Variants in CACNA1A observed in about 807,000 individuals in gnomAD.
CACNA1A encodes voltage-dependent P/Q-type calcium channel subunit alpha-1A.
A neutral mutation model predicts 262.4 loss-of-function variants in CACNA1A; 57 were observed. That is an observed-to-expected ratio of 0.22 (90% CI 0.18 to 0.27). The LOEUF (loss-of-function observed/expected upper bound fraction) is 0.27, where lower values mean the gene tolerates loss of function less well. Among genes scored for constraint, CACNA1A ranks in the 10% least tolerant of loss-of-function variants. The probability of loss-of-function intolerance (pLI) is 1.00; values close to 1 mark genes in which losing one functional copy is unlikely to be tolerated. For synonymous variants in CACNA1A, 1,431 were observed against 1,419.3 expected (o/e 1.01, Z -0.18); for missense variants, 2,526 against 3,562.8 (o/e 0.71, Z 7.41).
chr19:13,210,586 C>G, intron 44 of CACNA1A, 31 bp downstream of exon 44: 1 of 1,554,280 alleles, frequency 6.4e-7, no homozygotes, highest in South Asian at 1.2e-5. Flanking sequence ...GGCCGGAGCC[C>G]TGCTGGGCGC....
intron 27 of CACNA1A, chr19:13,259,312 C>CTGTTTTT (rs2056659065): frequency 1.9e-5 from 1 of 52,196 alleles, no homozygotes; most frequent in Non-Finnish European, 3.7e-5. Context: ...TGCCTGGCAG[C>CTGTTTTT]TTTTTTTTTT....
At chr19:13,339,839 G>A (rs1176418596) in intron 6 of CACNA1A, among the ~76,000 whole-genome samples, 1 of 151,782 alleles carries the variant, frequency 6.6e-6, no homozygotes, top group African/African-American at 2.4e-5. Context: ...ACACAGACAG[G>A]TTCTGGGGAC....
At chr19:13,292,754 C>T (rs914406900) in intron 19 of CACNA1A, among the ~76,000 whole-genome samples, 11 of 152,080 alleles carry the variant, frequency 7.2e-5, no homozygotes, top group African/African-American at 2.2e-4. Flanking sequence ...CAACAGAGAA[C>T]GAAAATGTCT....
chr19:13,316,647 C>G (rs1396202577), intron 11 of CACNA1A: 2 of 152,378 alleles, frequency 1.3e-5, no homozygotes, highest in African/African-American at 4.8e-5. Context: ...GAAGTAGAGT[C>G]AGAAATAAGT....
intron 3 of CACNA1A, among the ~76,000 whole-genome samples, chr19:13,449,874 C>T (rs576540602): frequency 5.3e-5 from 8 of 152,286 alleles, no homozygotes; most frequent in African/African-American, 1.9e-4. Context: ...GGCACAGTGG[C>T]TTACGCCTGT....
At chr19:13,495,071 C>T (rs966531769) in intron 1 of CACNA1A, among the ~76,000 whole-genome samples, 3 of 152,092 alleles carry the variant, frequency 2.0e-5, no homozygotes, top group Non-Finnish European at 2.9e-5. Context: ...GAGCAAAATC[C>T]AAGGAATTCC....
chr19:13,271,232 T>G (rs1029109492), intron 24 of CACNA1A: 2 of 143,218 alleles, frequency 1.4e-5, no homozygotes, highest in African/African-American at 5.4e-5. Flanking sequence ...TTTTTTTTTT[T>G]TTTTTTGAGA....
intron 3 of CACNA1A, among the ~76,000 whole-genome samples, chr19:13,399,769 C>T (rs2059868355): frequency 6.6e-6 from 1 of 152,176 alleles, no homozygotes; most frequent in Non-Finnish European, 1.5e-5. Context: ...ATTCAGACAT[C>T]ATGGTCATGT....
chr19:13,456,778 C>G (rs953525230), intron 1 of CACNA1A, among the ~76,000 whole-genome samples: 1 of 152,178 alleles, frequency 6.6e-6, no homozygotes, highest in African/African-American at 2.4e-5. Context: ...CCAAAGAAGA[C>G]AGTCAAATGG....
At chr19:13,307,581 A>G (rs2057930894) in intron 15 of CACNA1A, 2 of 566,814 alleles carry the variant, frequency 3.5e-6, no homozygotes, top group Admixed American at 3.1e-5. Flanking sequence ...GCCACAAACT[A>G]TCTTTCCAAT....
chr19:13,239,864 T>C (rs2056011559), intron 31 of CACNA1A, among the ~76,000 whole-genome samples: 1 of 151,324 alleles, frequency 6.6e-6, no homozygotes, highest in African/African-American at 2.4e-5. Flanking sequence ...TGAATGAGGA[T>C]TAGAGGCCAG....
intron 10 of CACNA1A, among the ~76,000 whole-genome samples, chr19:13,322,062 C>T (rs1376083345): frequency 6.6e-6 from 1 of 151,754 alleles, no homozygotes; most frequent in Non-Finnish European, 1.5e-5. Flanking sequence ...ATTAGCCGGG[C>T]ATGGTGGCAC....
At chr19:13,473,265 A>AAG (rs1555792207) in intron 1 of CACNA1A, among the ~76,000 whole-genome samples, 28 of 151,766 alleles carry the variant, frequency 1.8e-4, no homozygotes, top group African/African-American at 4.1e-4. Flanking sequence ...AAAAAAAAAA[A>AAG]AGAGAGAGAG....
intron 3 of CACNA1A, among the ~76,000 whole-genome samples, chr19:13,406,588 C>T (rs2060015432): frequency 7.0e-6 from 1 of 143,284 alleles, no homozygotes; most frequent in Admixed American, 7.2e-5. Flanking sequence ...CTGGTGCATT[C>T]AGTGTCCACT....
At chr19:13,439,305 T>C (rs1038524878) in intron 3 of CACNA1A, among the ~76,000 whole-genome samples, 56 of 151,668 alleles carry the variant, frequency 3.7e-4, no homozygotes, top group African/African-American at 1.1e-3. Flanking sequence ...AGACGGGGTT[T>C]CACCATGTTA....
At position 13,255,255 on chromosome 19, in the gene CACNA1A, G is replaced by C; in HGVS notation, c.4595C>G (p.Ala1532Gly). The C allele has an allele frequency of 6.3e-7, 1 of 1,595,222 alleles. No homozygotes were observed. The highest frequency in any genetic ancestry group is 2.3e-5 in the East Asian group (1 of 44,382). ...GGCGCTGATGGCGAAATCAATGCAG[G>C]CCCTCTGCGGGAGAGAGGCCAGTGG... ...EEYSLEKNER[A>G]CIDFAISAKP... The change falls in exon 29 of 47, where the codon GCC (alanine) becomes GGC (glycine). Residue 1532 changes from alanine (A) to glycine (G), a missense_variant. Physicochemically the swap from Ala to Gly is moderately conservative, Grantham distance 60. Around this residue, in one of 17 missense-constraint regions of CACNA1A, gnomAD observed 137 missense variants for 377.7 expected, o/e 0.36. Transcript: ENST00000360228.
intron 4 of CACNA1A, chr19:13,371,417 T>A (rs2059320984): frequency 2.4e-6 from 1 of 418,964 alleles, no homozygotes; most frequent in African/African-American, 2.0e-5. Flanking sequence ...GGGCTGTGAG[T>A]ACTGAATGAG....
intron 1 of CACNA1A, among the ~76,000 whole-genome samples, chr19:13,490,280 G>A (rs1326061055): frequency 6.6e-6 from 1 of 152,088 alleles, no homozygotes; most frequent in Admixed American, 6.5e-5. Context: ...TTAAGATTAG[G>A]TAGCTTCCCA....
chr19:13,212,987 C>T lies in CACNA1A; in HGVS notation c.5941-247G>A, dbSNP rs913611781. On this transcript the variant is annotated intron_variant, in intron 40 of 46. Transcript: ENST00000360228. The surrounding 1 kb of genome is among the most constrained non-coding windows in gnomAD (Gnocchi z 5.6). ...TGCAGGCACCTTCTCCCAGGTCTCCCGCTCCTACCTTCAACCCCACTGTTC... is the reference window on the plus strand; with the variant it reads ...TGCAGGCACCTTCTCCCAGGTCTCCTGCTCCTACCTTCAACCCCACTGTTC... 2.0e-5 allele frequency among the ~76,000 whole-genome samples: 3 copies of T among 152,222 alleles called. No homozygotes were observed.
Sources: allele counts gnomAD v4.1 joint callset (sites outside exome capture counted in the v4.1 genomes callset), GRCh38; gene constraint gnomAD v4.1.1; regional missense constraint gnomAD v4.1.1; non-coding constraint Gnocchi (gnomAD v3.1); transcripts MANE v1.5; gene names NCBI Gene and HGNC (gene_info 2026-07-23, HGNC 2026-07-21).